FMNL3: variants seen among roughly 807,000 people sequenced by gnomAD.
FMNL3 encodes the protein formin-like protein 3.
FMNL3 carries 57 observed loss-of-function variants against 119.6 expected under a neutral mutation model. That is an observed-to-expected ratio of 0.48 (90% CI 0.39 to 0.59). FMNL3 has a LOEUF of 0.59. Ranked by LOEUF, FMNL3 falls within the 20% of genes least tolerant of loss-of-function variation. FMNL3 has a pLI of 0.00. For synonymous variants in FMNL3, 491 were observed against 507.3 expected (o/e 0.97, Z 0.43); for missense variants, 1,053 against 1,323.5 (o/e 0.80, Z 3.17).
chr12:49,657,037 G>A, intron 7 of FMNL3, 45 bp downstream of exon 7: 2 of 1,584,684 alleles, frequency 1.3e-6, no homozygotes, highest in South Asian at 1.1e-5. Flanking sequence ...TTTTGCAGAT[G>A]AGGCAGAAGA....
Position 49,636,919 on chromosome 12 carries a change from T to C in FMNL3, c.*8896A>G. 1.2e-6 allele frequency: 2 copies of C among 1,602,334 alleles called. No individual in the cohort carries two copies. ...GAGCACAACCTCTTCACCCATTCCCTGCCCCCTTCTGGATACGCTGCCTGT... is the reference window on the plus strand; with the variant it reads ...GAGCACAACCTCTTCACCCATTCCCCGCCCCCTTCTGGATACGCTGCCTGT... On this transcript the variant is annotated 3_prime_UTR_variant, in exon 26 of 26. Coordinates refer to ENST00000335154, the MANE Select transcript of FMNL3 (RefSeq NM_175736.5).
rs1230971122 is a variant in FMNL3, at chr12:49,639,503, T to G, written c.*6312A>C. 1 of 152,280 alleles carries G rather than the reference T, an allele frequency of 6.6e-6. No individual in the cohort carries two copies. The highest frequency in any genetic ancestry group is 1.5e-5 in the Non-Finnish European group (1 of 68,046). The allele number at this position is 152,280 out of a possible 1,614,324, so 9.4% of individuals were successfully genotyped here. ...AGCAGAAGAGAGCAGGCTGTAGCGC[T>G]CCAGCTGTTCTTCTGAGACACTCTG... is the stretch of plus-strand genomic sequence containing the variant. On this transcript the variant is annotated 3_prime_UTR_variant, in exon 26 of 26. Transcript: ENST00000335154.
At position 49,657,183 on chromosome 12, in the gene FMNL3, T is replaced by G. The variant is rs754861315; in HGVS notation, c.613A>C (p.Thr205Pro). The change falls in exon 7 of 26, where the codon ACT (threonine) becomes CCT (proline). Residue 205 changes from threonine (T) to proline (P), a missense_variant. By Grantham distance (38) the Thr-to-Pro change is conservative. Around this residue, in one of 4 missense-constraint regions of FMNL3, gnomAD observed 264 missense variants for 265.5 expected, o/e 0.99. Coordinates refer to ENST00000335154, the MANE Select transcript of FMNL3 (RefSeq NM_175736.5). ...TTCAGGGCCCTGCGCCCAGGGAGAG[T>G]GCTATACCTGGGGAGATGGGCCAGG... The part of the protein sequence containing the change: ...SARQSVLRYS[T>P]LPGRRALKNS... 1 of 1,612,498 alleles carries G rather than the reference T, an allele frequency of 6.2e-7. No homozygotes were observed. The highest frequency in any genetic ancestry group is 1.3e-5 in the African/African-American group (1 of 74,736).
chr12:49,655,937 C>T (rs772390970), intron 9 of FMNL3, among the ~76,000 whole-genome samples: 3 of 152,164 alleles, frequency 2.0e-5, no homozygotes, highest in Non-Finnish European at 4.4e-5. Context: ...TCACCAATAA[C>T]AGCCAACAAA....
rs1044234272 is a variant in FMNL3, at chr12:49,647,832, A to G, written c.2677-28T>C. The G allele has an allele frequency of 1.3e-6, 2 of 1,565,580 alleles. No individual in the cohort carries two copies. The highest frequency in any genetic ancestry group is 1.8e-6 in the Non-Finnish European group (2 of 1,136,514). On this transcript the variant is annotated intron_variant, in intron 22 of 25. Coordinates refer to ENST00000335154, the MANE Select transcript of FMNL3 (RefSeq NM_175736.5). This position sits in a 1 kb window ranked among gnomAD's most constrained non-coding sequence, Gnocchi z 4.9. ...GGGGAAGGGGTGGGCAGAATGGGTC[A>G]CCCTGGCAGGAAGATCAGCCCAGCT... is the stretch of plus-strand genomic sequence containing the variant.
chr12:49,659,137 C>A (rs959226051), intron 5 of FMNL3, among the ~76,000 whole-genome samples: 3 of 152,318 alleles, frequency 2.0e-5, no homozygotes, highest in Middle Eastern at 3.4e-3. Flanking sequence ...GGGGTTCTGG[C>A]AAACCCAGAG....
Position 49,643,298 on chromosome 12 carries a change from G to C in FMNL3, c.*2517C>G. The C allele has an allele frequency of 6.2e-7, 1 of 1,613,248 alleles. No homozygotes were observed. The highest frequency in any genetic ancestry group is 8.5e-7 in the Non-Finnish European group (1 of 1,179,758). On this transcript the variant is annotated 3_prime_UTR_variant, in exon 26 of 26. Transcript: ENST00000335154. ...CAAGCGGAGGAGGCGGAACCCCTCA[G>C]AGTCAGGCTCTGAGCCCTCTTCCTC... is the stretch of plus-strand genomic sequence containing the variant.
rs536316225 is a variant in FMNL3 at position 49,696,292 on chromosome 12, C to G, written c.126+10763G>C. On this transcript the variant is annotated intron_variant, in intron 1 of 25. Transcript: ENST00000335154. ...TGGGGAATTGGTTCCAGGACCAGACCAAATGGCTCCAAGCCTGGTCCTGGA... is the reference window on the plus strand; with the variant it reads ...TGGGGAATTGGTTCCAGGACCAGACGAAATGGCTCCAAGCCTGGTCCTGGA... Among the ~76,000 whole-genome samples, 4 of 152,124 alleles carry G rather than the reference C, an allele frequency of 2.6e-5. No homozygotes were observed. In the East Asian group the frequency reaches 7.8e-4, roughly 30 times the overall value.
chr12:49,658,961 C>T (rs944952963), intron 5 of FMNL3, among the ~76,000 whole-genome samples: 11 of 152,210 alleles, frequency 7.2e-5, no homozygotes, highest in South Asian at 2.1e-4. Context: ...GGGACATCTC[C>T]GGGAAGCTGT....
chr12:49,671,534 A>T (rs1467676954), intron 1 of FMNL3, among the ~76,000 whole-genome samples: 1 of 152,240 alleles, frequency 6.6e-6, no homozygotes, highest in East Asian at 1.9e-4. Context: ...CCACCTGCCA[A>T]GGGGGCATAA....
chr12:49,658,618 G>A, intron 5 of FMNL3, 24 bp from the exon 6 acceptor site: 1 of 1,581,684 alleles, frequency 6.3e-7, no homozygotes, highest in Non-Finnish European at 8.6e-7. Context: ...GGACACACAT[G>A]CGCATACACA....
At position 49,644,425 on chromosome 12, in the gene FMNL3, G is replaced by T. The variant is rs763397566; in HGVS notation, c.*1390C>A. On this transcript the variant is annotated 3_prime_UTR_variant, in exon 26 of 26. Transcript: ENST00000335154. Reference sequence around the variant, plus strand: ...CTCAGCCCCAGACCAGAGATGGGTGGTATATGCCATGTGGGGTGGGTGATG... The same window carrying T: ...CTCAGCCCCAGACCAGAGATGGGTGTTATATGCCATGTGGGGTGGGTGATG... 9.1e-6 allele frequency: 5 copies of T among 552,076 alleles called. No homozygotes were observed. Among genetic ancestry groups the T allele is most frequent in the Non-Finnish European group, 1.6e-5 (5 of 304,416 alleles). The allele number at this position is 552,076 out of a possible 1,614,324, so 34.2% of individuals were successfully genotyped here. A position where few individuals can be genotyped will look rare whatever the true frequency, so the allele number is the denominator to read the frequency against.
chr12:49,644,414 A>G lies in FMNL3; in HGVS notation c.*1401T>C. ...CAGTCCTTGCCCTCAGCCCCAGACC[A>G]GAGATGGGTGGTATATGCCATGTGG... On this transcript the variant is annotated 3_prime_UTR_variant, in exon 26 of 26. Transcript: ENST00000335154. 1.7e-6 allele frequency: 1 copy of G among 572,058 alleles called. No individual in the cohort carries two copies. Among genetic ancestry groups the G allele is most frequent in the Non-Finnish European group, 3.2e-6 (1 of 317,220 alleles). The allele number at this position is 572,058 out of a possible 1,614,324, so 35.4% of individuals were successfully genotyped here. A position where few individuals can be genotyped will look rare whatever the true frequency, so the allele number is the denominator to read the frequency against.
At position 49,643,693 on chromosome 12, in the gene FMNL3, C is replaced by T. The variant is rs1942972839; in HGVS notation, c.*2122G>A. The T allele has an allele frequency of 6.2e-7, 1 of 1,613,874 alleles. No homozygotes were observed. The highest frequency in any genetic ancestry group is 1.7e-5 in the Admixed American group (1 of 59,960). Reference sequence around the variant, plus strand: ...AGTAGGGATTTTTCTATCTCTAGATCATGGCCTTCGGAAAGCCAAGAAACC... The same window carrying T: ...AGTAGGGATTTTTCTATCTCTAGATTATGGCCTTCGGAAAGCCAAGAAACC... On this transcript the variant is annotated 3_prime_UTR_variant, in exon 26 of 26. Coordinates refer to ENST00000335154, the MANE Select transcript of FMNL3 (RefSeq NM_175736.5).
Position 49,707,275 on chromosome 12 carries a change from GCTC to G in FMNL3, c.-98_-96del. Reference sequence around the variant, plus strand: ...CGACCAGGCTCCTCCCTCAGCGCCGGCTCCCCGAGTCCCGACTCCTCGGCCCCG... The same window carrying G: ...CGACCAGGCTCCTCCCTCAGCGCCGGCCCGAGTCCCGACTCCTCGGCCCCG... On this transcript the variant is annotated 5_prime_UTR_variant, in exon 1 of 26. Coordinates refer to ENST00000335154, the MANE Select transcript of FMNL3 (RefSeq NM_175736.5). The G allele has an allele frequency of 8.2e-7, 1 of 1,216,180 alleles. No homozygotes were observed. The highest frequency in any genetic ancestry group is 1.1e-6 in the Non-Finnish European group (1 of 924,804). The allele number at this position is 1,216,180 out of a possible 1,614,324, so 75.3% of individuals were successfully genotyped here.
chr12:49,669,607 G>A (rs891837635), intron 1 of FMNL3, among the ~76,000 whole-genome samples: 1 of 152,124 alleles, frequency 6.6e-6, no homozygotes, highest in Non-Finnish European at 1.5e-5. Context: ...CGAGGTGGGC[G>A]GATCACTTGA....
chr12:49,700,319 G>A (rs962819069), intron 1 of FMNL3, among the ~76,000 whole-genome samples: 2 of 149,706 alleles, frequency 1.3e-5, no homozygotes, highest in Non-Finnish European at 3.0e-5. Flanking sequence ...GTGAACCCGG[G>A]AGGCAGAGCT....
At chr12:49,700,696 C>T (rs1944884052) in intron 1 of FMNL3, among the ~76,000 whole-genome samples, 1 of 113,840 alleles carries the variant, frequency 8.8e-6, no homozygotes, top group Non-Finnish European at 1.7e-5. Flanking sequence ...ACCTGGGCGA[C>T]ACAGCAAGAC....
chr12:49,694,461 T>C (rs570933162), intron 1 of FMNL3, among the ~76,000 whole-genome samples: 2 of 152,278 alleles, frequency 1.3e-5, no homozygotes, highest in East Asian at 3.9e-4. Context: ...CAGAATGGTT[T>C]CCTAAAGGTG....
Sources: gnomAD v4.1 joint callset for allele counts (sites outside exome capture counted in the v4.1 genomes callset) on GRCh38, gnomAD v4.1.1 for gene constraint, gnomAD v4.1.1 regional missense constraint, Gnocchi (gnomAD v3.1) non-coding constraint, MANE v1.5 for transcripts, NCBI Gene and HGNC (gene_info 2026-07-23, HGNC 2026-07-21) for gene names.